TRAPPC9: variants seen among roughly 807,000 people sequenced by gnomAD.
TRAPPC9 encodes trafficking protein particle complex subunit 9, also known as IKK2 binding protein.
TRAPPC9 carries 83 observed loss-of-function variants against 124.0 expected under a neutral mutation model. The ratio of observed to expected loss-of-function variants is 0.67; its 90% CI spans 0.56 to 0.80. The LOEUF (loss-of-function observed/expected upper bound fraction) is 0.80. Among genes scored for constraint, TRAPPC9 ranks in the 30% least tolerant of loss-of-function variants. The probability of loss-of-function intolerance (pLI) is 0.00; values close to 1 mark genes in which losing one functional copy is unlikely to be tolerated. For missense variants in TRAPPC9, 1,302 were observed against 1,508.3 expected (o/e 0.86, Z 2.27); for synonymous variants, 638 against 617.5 (o/e 1.03, Z -0.49).
chr8:139,747,447 C>T (rs74498059), intron 21 of TRAPPC9, among the ~76,000 whole-genome samples: 7,450 of 141,868 alleles, frequency 0.053, 222 homozygotes, highest in South Asian at 0.13. Context: ...GTCCAGGGGT[C>T]AGAGCAGGTG....
At chr8:140,102,796 TGCTATCTTGCTGTATGATTCTGG>T (rs1199184553) in intron 17 of TRAPPC9, among the ~76,000 whole-genome samples, 1 of 152,344 alleles carries the variant, frequency 6.6e-6, no homozygotes, top group Admixed American at 6.5e-5. Context: ...TTGCACATGA[TGCTATCTTGCTGTATGATTCTGG>T]GCAAATACTT....
chr8:140,126,330 A>C (rs1378712365), intron 17 of TRAPPC9, among the ~76,000 whole-genome samples: 1 of 107,738 alleles, frequency 9.3e-6, no homozygotes, highest in Non-Finnish European at 2.0e-5. Flanking sequence ...CACTAGACAG[A>C]GGAAAACGAC....
chr8:140,032,163 C>G (rs1290349854), intron 17 of TRAPPC9, among the ~76,000 whole-genome samples: 2 of 152,140 alleles, frequency 1.3e-5, no homozygotes, highest in African/African-American at 4.8e-5. Flanking sequence ...ACACTCTGCT[C>G]CAGCACCCAT....
chr8:140,268,605 T>G (rs543654648), intron 15 of TRAPPC9, among the ~76,000 whole-genome samples: 72 of 152,182 alleles, frequency 4.7e-4, no homozygotes, highest in Non-Finnish European at 9.3e-4. Flanking sequence ...GCCTTTGTTT[T>G]TATGCCGGCT....
At chr8:139,807,173 C>T (rs1036966455) in intron 21 of TRAPPC9, among the ~76,000 whole-genome samples, 3 of 152,200 alleles carry the variant, frequency 2.0e-5, no homozygotes, top group South Asian at 2.1e-4. Context: ...AGAGCTGGGG[C>T]TGTCTGTGGG....
At chr8:140,020,933 C>T (rs1365196939) in intron 18 of TRAPPC9, among the ~76,000 whole-genome samples, 1 of 152,172 alleles carries the variant, frequency 6.6e-6, no homozygotes. Context: ...TATTAAGATA[C>T]CCAAACCAAC....
At chr8:139,795,200 T>G (rs576637557) in intron 21 of TRAPPC9, among the ~76,000 whole-genome samples, 1 of 152,098 alleles carries the variant, frequency 6.6e-6, no homozygotes, top group South Asian at 2.1e-4. Context: ...CCAGGTGTCC[T>G]GGCTCCAGCA....
At chr8:140,220,295 C>T (rs1404918333) in intron 17 of TRAPPC9, among the ~76,000 whole-genome samples, 1 of 152,312 alleles carries the variant, frequency 6.6e-6, no homozygotes, top group Admixed American at 6.5e-5. Flanking sequence ...GCCCACCAGA[C>T]AGCACCCTCC....
At chr8:140,288,864 C>T (rs776066235) in intron 12 of TRAPPC9, among the ~76,000 whole-genome samples, 15 of 152,114 alleles carry the variant, frequency 9.9e-5, no homozygotes, top group African/African-American at 2.9e-4. Flanking sequence ...AAGCCCTGGG[C>T]GAAGGGGGAA....
intron 17 of TRAPPC9, among the ~76,000 whole-genome samples, chr8:140,032,188 C>T (rs1481481393): frequency 1.3e-5 from 2 of 152,224 alleles, no homozygotes; most frequent in Non-Finnish European, 2.9e-5. Context: ...CCTGGAGTTA[C>T]ATACTTTGTC....
At chr8:139,954,857 TTAAAA>T (rs143435478) in intron 19 of TRAPPC9, among the ~76,000 whole-genome samples, 4,702 of 152,274 alleles carry the variant, frequency 0.031, 241 homozygotes, top group African/African-American at 0.11. Context: ...CACAGGCATG[TTAAAA>T]TAAAAGGAGC....
intron 19 of TRAPPC9, among the ~76,000 whole-genome samples, chr8:139,915,149 G>A (rs796816233): frequency 1.8e-4 from 28 of 152,040 alleles, no homozygotes; most frequent in African/African-American, 6.8e-4. Flanking sequence ...GGCTCCTGGA[G>A]GGTGGCGGTG....
chr8:140,426,682 A>C (rs1430802951), intron 4 of TRAPPC9, 41 bp from the exon 5 acceptor site: 2 of 1,591,462 alleles, frequency 1.3e-6, no homozygotes, highest in African/African-American at 1.3e-5. Flanking sequence ...TTTGGAAAAC[A>C]AAACTACTTT....
intron 5 of TRAPPC9, among the ~76,000 whole-genome samples, chr8:140,424,435 C>G (rs1186991126): frequency 6.6e-6 from 1 of 151,398 alleles, no homozygotes; most frequent in African/African-American, 2.4e-5. Flanking sequence ...GAGGCCAGGA[C>G]CAGCTGGGTC....
At chr8:139,805,537 C>G (rs918547581) in intron 21 of TRAPPC9, among the ~76,000 whole-genome samples, 1 of 152,216 alleles carries the variant, frequency 6.6e-6, no homozygotes, top group Non-Finnish European at 1.5e-5. Flanking sequence ...CCAGTGTGGG[C>G]TTGGCACTGT....
chr8:139,854,578 T>C (rs1009799260), intron 21 of TRAPPC9, among the ~76,000 whole-genome samples: 3 of 152,220 alleles, frequency 2.0e-5, no homozygotes, highest in Non-Finnish European at 2.9e-5. Context: ...CTTCCAGCTA[T>C]GTGGCTCCAC....
chr8:139,910,606 C>T (rs933383982), intron 19 of TRAPPC9, among the ~76,000 whole-genome samples: 1 of 152,150 alleles, frequency 6.6e-6, no homozygotes, highest in Non-Finnish European at 1.5e-5. Context: ...ACCAGTGTGC[C>T]ATAGATAGTG....
At chr8:139,791,873 C>T (rs936972629) in intron 21 of TRAPPC9, among the ~76,000 whole-genome samples, 1 of 152,210 alleles carries the variant, frequency 6.6e-6, no homozygotes, top group Non-Finnish European at 1.5e-5. Flanking sequence ...GGACTCAGCA[C>T]TGCCATCACC....
chr8:140,123,180 G>A (rs2061019573), intron 17 of TRAPPC9, among the ~76,000 whole-genome samples: 1 of 151,706 alleles, frequency 6.6e-6, no homozygotes, highest in South Asian at 2.1e-4. Context: ...CCTTGTTGCT[G>A]GTCACTGTCC....
Sources: allele counts gnomAD v4.1 joint callset (sites outside exome capture counted in the v4.1 genomes callset), GRCh38; gene constraint gnomAD v4.1.1; transcripts MANE v1.5; gene names NCBI Gene and HGNC (gene_info 2026-07-23, HGNC 2026-07-21).